Variants in STXBP5L observed in about 807,000 individuals in gnomAD.
STXBP5L encodes syntaxin binding protein 5L.
In STXBP5L, 65 loss-of-function variants were observed where a neutral mutation model predicts 144.5. The ratio of observed to expected loss-of-function variants is 0.45; its 90% CI spans 0.37 to 0.55. The LOEUF (loss-of-function observed/expected upper bound fraction) is 0.55, where lower values mean the gene tolerates loss of function less well. Ranked by LOEUF, STXBP5L falls within the 20% of genes least tolerant of loss-of-function variation. The probability of loss-of-function intolerance (pLI) is 0.00; values close to 1 mark genes in which losing one functional copy is unlikely to be tolerated. For missense variants in STXBP5L, 1,298 were observed against 1,405.5 expected (o/e 0.92, Z 1.22); for synonymous variants, 505 against 469.6 (o/e 1.08, Z -0.97).
At chr3:120,958,291 A>C (rs1938288550) in intron 3 of STXBP5L, among the ~76,000 whole-genome samples, 1 of 152,230 alleles carries the variant, frequency 6.6e-6, no homozygotes, top group Non-Finnish European at 1.5e-5. Flanking sequence ...AAAAAAGTCC[A>C]GGACCAGATG....
chr3:120,928,737 C>CT (rs1275455637), intron 2 of STXBP5L, among the ~76,000 whole-genome samples: 3 of 150,864 alleles, frequency 2.0e-5, no homozygotes, highest in Non-Finnish European at 4.4e-5. Context: ...GTGATTTGTT[C>CT]TTTTTTTATT....
intron 3 of STXBP5L, among the ~76,000 whole-genome samples, chr3:121,022,283 A>G (rs1945612549): frequency 6.6e-6 from 1 of 152,128 alleles, no homozygotes; most frequent in South Asian, 2.1e-4. Flanking sequence ...TTGTAATTAA[A>G]AAGTTACCAA....
rs147429752 is a variant in STXBP5L at position 120,970,476 on chromosome 3, C to T, written c.287+15439C>T. Among the ~76,000 whole-genome samples, 69 of 152,206 alleles carry T rather than the reference C, an allele frequency of 4.5e-4. No homozygotes were observed. In the East Asian group the frequency reaches 0.013, roughly 29 times the overall value. ...ATTTTTGGATGGCAATTTTTCCCAT[C>T]TCTTTTTCAATATAACATCCCATTA... is the stretch of plus-strand genomic sequence containing the variant. On this transcript the variant is annotated intron_variant, in intron 3 of 26. Transcript: ENST00000471454.
intron 19 of STXBP5L, among the ~76,000 whole-genome samples, chr3:121,314,906 A>G (rs1046306849): frequency 2.0e-5 from 3 of 152,266 alleles, no homozygotes; most frequent in Non-Finnish European, 4.4e-5. Flanking sequence ...ACTGGCCATC[A>G]GAGAAATGCA....
rs780526553 is a variant in STXBP5L, at chr3:121,413,202, T to A, written c.2993T>A (p.Leu998Gln). The A allele has an allele frequency of 6.2e-7, 1 of 1,606,862 alleles. No homozygotes were observed. The highest frequency in any genetic ancestry group is 1.7e-5 in the Admixed American group (1 of 58,044). Residue 998 changes from leucine (L) to glutamine (Q), a missense_variant, in exon 24 of 27, where the codon CTG becomes CAG. By Grantham distance (113) the Leu-to-Gln change is moderately radical (BLOSUM62 -2). Coordinates refer to ENST00000471454, the MANE Select transcript of STXBP5L (RefSeq NM_001308330.2). Reference sequence around the variant, plus strand: ...ATGTTGGATGTTAATTATTTGCCACTGACAGACATGAGGATAGCACGAACA... The same window carrying A: ...ATGTTGGATGTTAATTATTTGCCACAGACAGACATGAGGATAGCACGAACA... Reference protein sequence around the residue: ...RPMLDVNYLPLTDMRIARTFC... With the variant: ...RPMLDVNYLPQTDMRIARTFC...
At chr3:121,205,833 T>A (rs1342435337) in intron 9 of STXBP5L, 90 bp from the exon 10 acceptor site, 13 of 605,178 alleles carry the variant, frequency 2.1e-5, no homozygotes, top group Middle Eastern at 9.4e-4. Flanking sequence ...TTATTATTCC[T>A]TTATCTTTAA....
intron 22 of STXBP5L, among the ~76,000 whole-genome samples, chr3:121,396,724 T>G (rs560962423): frequency 2.6e-5 from 4 of 152,250 alleles, no homozygotes; most frequent in Admixed American, 1.3e-4. Flanking sequence ...ATGGGTTAAA[T>G]TGTGAAAGTG....
chr3:120,933,621 C>G (rs898676064), intron 2 of STXBP5L, among the ~76,000 whole-genome samples: 1 of 152,078 alleles, frequency 6.6e-6, no homozygotes, highest in Non-Finnish European at 1.5e-5. Flanking sequence ...GAGATTCAGA[C>G]AAGGAAGTGC....
At chr3:121,288,284 G>A (rs539263447) in intron 19 of STXBP5L, among the ~76,000 whole-genome samples, 1 of 152,186 alleles carries the variant, frequency 6.6e-6, no homozygotes, top group Non-Finnish European at 1.5e-5. Context: ...ATTGTGAATA[G>A]TGCTGCAGTA....
chr3:121,053,374 G>T (rs988329847), intron 5 of STXBP5L, among the ~76,000 whole-genome samples: 1 of 152,092 alleles, frequency 6.6e-6, no homozygotes, highest in Admixed American at 6.5e-5. Context: ...AAACAGCATG[G>T]TACTGGTACC....
intron 3 of STXBP5L, among the ~76,000 whole-genome samples, chr3:121,020,994 A>G (rs1277552799): frequency 6.6e-6 from 1 of 152,116 alleles, no homozygotes; most frequent in Non-Finnish European, 1.5e-5. Flanking sequence ...ATAAGAATTT[A>G]CCAACCAAGT....
rs182333481 is a variant in STXBP5L at position 121,054,506 on chromosome 3, G to A, written c.470+8971G>A. Among the ~76,000 whole-genome samples, 24 of 147,720 alleles carry A rather than the reference G, an allele frequency of 1.6e-4. No homozygotes were observed. In the East Asian group the frequency reaches 3.6e-3, roughly 22 times the overall value. ...TCACAAGGACAAGAAAGCAAACACCGCATGTTCTCATTCACAGGTGGGAAT... is the reference window on the plus strand; with the variant it reads ...TCACAAGGACAAGAAAGCAAACACCACATGTTCTCATTCACAGGTGGGAAT... On this transcript the variant is annotated intron_variant, in intron 5 of 26. Transcript: ENST00000471454.
intron 3 of STXBP5L, among the ~76,000 whole-genome samples, chr3:120,999,723 T>C (rs1943623554): frequency 2.0e-5 from 3 of 152,166 alleles, no homozygotes; most frequent in Admixed American, 2.0e-4. Context: ...GTCTTTCATT[T>C]TCAGGATTAG....
Position 121,352,346 on chromosome 3 carries a change from T to G in STXBP5L, c.2177-26370T>G, listed in dbSNP as rs564339285. Among the ~76,000 whole-genome samples the G allele has an allele frequency of 1.2e-4, 18 of 152,180 alleles. No homozygotes were observed. The South Asian group carries it at 1.9e-3, about 16-fold the overall frequency. On this transcript the variant is annotated intron_variant, in intron 20 of 26. Coordinates refer to ENST00000471454, the MANE Select transcript of STXBP5L (RefSeq NM_001308330.2). Reference sequence around the variant, plus strand: ...GAATGTTCTTCCATTTGATTGTGTCTTCTTTATTTCATTGAGCAGTGGTTT... The same window carrying G: ...GAATGTTCTTCCATTTGATTGTGTCGTCTTTATTTCATTGAGCAGTGGTTT...
intron 19 of STXBP5L, among the ~76,000 whole-genome samples, chr3:121,300,521 TG>T (rs1339548867): frequency 6.6e-6 from 1 of 152,138 alleles, no homozygotes; most frequent in African/African-American, 2.4e-5. Flanking sequence ...ATTATACTGT[TG>T]TTTTTTTCAA....
intron 5 of STXBP5L, among the ~76,000 whole-genome samples, chr3:121,064,407 G>A (rs888200636): frequency 2.6e-5 from 4 of 152,040 alleles, no homozygotes; most frequent in South Asian, 2.1e-4. Context: ...GACCGGAGCT[G>A]TTCCTATTTG....
At chr3:121,065,689 CTACAGGCATGTGCCACCATG>C (rs1201273588) in intron 5 of STXBP5L, among the ~76,000 whole-genome samples, 2 of 152,126 alleles carry the variant, frequency 1.3e-5, no homozygotes, top group Non-Finnish European at 2.9e-5. Context: ...ATATCTGGAA[CTACAGGCATGTGCCACCATG>C]CCTGGCTTAT....
At chr3:121,152,059 T>C (rs2045952652) in intron 7 of STXBP5L, among the ~76,000 whole-genome samples, 1 of 151,930 alleles carries the variant, frequency 6.6e-6, no homozygotes, top group Admixed American at 6.6e-5. Flanking sequence ...AAAGAGAAAA[T>C]AGGATTTGGT....
intron 2 of STXBP5L, 152 bp downstream of exon 2, chr3:120,909,919 AATAG>A: frequency 1.3e-6 from 1 of 768,294 alleles, no homozygotes; most frequent in East Asian, 3.2e-5. Context: ...AGTTTGGCTT[AATAG>A]ATATTTTAGG....
Sources: allele counts gnomAD v4.1 joint callset (sites outside exome capture counted in the v4.1 genomes callset), GRCh38; gene constraint gnomAD v4.1.1; transcripts MANE v1.5; gene names NCBI Gene and HGNC (gene_info 2026-07-23, HGNC 2026-07-21).